Variants in C12orf76 observed in about 807,000 individuals in gnomAD.
The protein encoded by C12orf76 is uncharacterized protein C12orf76.
A neutral mutation model predicts 6.8 loss-of-function variants in C12orf76; 6 were observed. That is an observed-to-expected ratio of 0.88 (90% confidence interval 0.48 to 1.73). C12orf76 has a LOEUF of 1.73. Among genes scored for constraint, C12orf76 ranks in the 40% most tolerant of loss-of-function variants. The probability of loss-of-function intolerance (pLI) is 0.01; values close to 1 mark genes in which losing one functional copy is unlikely to be tolerated. For synonymous variants in C12orf76, 56 were observed against 43.7 expected (o/e 1.28, Z -1.11); for missense variants, 99 against 98.2 (o/e 1.01, Z -0.03).
upstream of C12orf76, among the ~76,000 whole-genome samples, chr12:110,053,446 C>A (rs746470762): frequency 3.3e-5 from 5 of 152,148 alleles, no homozygotes; most frequent in Non-Finnish European, 7.3e-5. Context: ...TTGCAGTGAA[C>A]CGAGATTGCA....
At chr12:110,050,661 AG>A (rs1892559628), upstream of C12orf76, 1 of 310,742 alleles carries the variant, frequency 3.2e-6, no homozygotes, top group Non-Finnish European at 6.1e-6. Context: ...ATGGTCTAAA[AG>A]GGGGAGGCAT....
At chr12:110,053,127 G>A (rs898463558), upstream of C12orf76, among the ~76,000 whole-genome samples, 19 of 151,800 alleles carry the variant, frequency 1.3e-4, no homozygotes, top group African/African-American at 4.4e-4. Context: ...AGGAGGTGGA[G>A]GTTGCAGTAA....
Position 110,054,695 on chromosome 12 carries a change from T to C in C12orf76, n.664+2494A>G, listed in dbSNP as rs1046249694. On this transcript the variant is annotated intron_variant and non_coding_transcript_variant, in intron 4 of 4. Transcript: ENST00000309050. The surrounding 1 kb of genome is among the most constrained non-coding windows in gnomAD (Gnocchi z 4.4). ...TTACAGTGGTTAATTTTGTGTTATA[T>C]GAACTTCACCCCAATAAAAAAGTAA... Among the ~76,000 whole-genome samples, 5 of 152,254 alleles carry C rather than the reference T, an allele frequency of 3.3e-5. No individual in the cohort carries two copies. Among genetic ancestry groups the C allele is most frequent in the African/African-American group, 7.2e-5 (3 of 41,474 alleles).
intron 1 of C12orf76, among the ~76,000 whole-genome samples, chr12:110,047,511 AAACAACAAC>A (rs997254234): frequency 2.0e-5 from 3 of 151,994 alleles, no homozygotes; most frequent in Non-Finnish European, 4.4e-5. Context: ...TACAAAAAGT[AAACAACAAC>A]AACAACAAAA....
At chr12:110,072,490 T>C (rs1259707817), upstream of C12orf76, among the ~76,000 whole-genome samples, 1 of 151,782 alleles carries the variant, frequency 6.6e-6, no homozygotes, top group Non-Finnish European at 1.5e-5. Flanking sequence ...AGTGTGGGTT[T>C]TTTTTGTTTT....
At chr12:110,066,367 TAAAAAAAAAAAAAAAAAAAAA>T (rs71079598) in intron 1 of C12orf76, among the ~76,000 whole-genome samples, 265 of 15,336 alleles carry the variant, frequency 0.017, 6 homozygotes, top group African/African-American at 0.056. Context: ...AGACTCCATC[TAAAAAAAAAAAAAAAAAAAAA>T]AAAAAAAAAA....
At chr12:110,051,944 C>T (rs1472889874), upstream of C12orf76, among the ~76,000 whole-genome samples, 2 of 137,444 alleles carry the variant, frequency 1.5e-5, no homozygotes, top group South Asian at 5.0e-4. Context: ...TGGAGTCTCA[C>T]TCTGTCGCCC....
upstream of C12orf76, among the ~76,000 whole-genome samples, chr12:110,069,541 G>T (rs755407711): frequency 5.3e-5 from 8 of 152,202 alleles, no homozygotes; most frequent in Non-Finnish European, 8.8e-5. Context: ...CTTCCCAGTG[G>T]GTCCACTGGA....
At chr12:110,047,270 T>C (rs1892474704) in intron 1 of C12orf76, among the ~76,000 whole-genome samples, 2 of 152,176 alleles carry the variant, frequency 1.3e-5, no homozygotes, top group Admixed American at 1.3e-4. Flanking sequence ...GTGTTGAAGA[T>C]ATCCTCCCAC....
chr12:110,053,309 G>T (rs985175118), upstream of C12orf76, among the ~76,000 whole-genome samples: 2 of 152,072 alleles, frequency 1.3e-5, no homozygotes, highest in African/African-American at 4.8e-5. Context: ...GACCAGCCTG[G>T]CCAACATGGT....
chr12:110,069,068 A>G (rs1042254634), upstream of C12orf76, among the ~76,000 whole-genome samples: 4 of 152,226 alleles, frequency 2.6e-5, no homozygotes, highest in Non-Finnish European at 4.4e-5. Flanking sequence ...TTTTTCTTCA[A>G]TTTTATATTT....
intron 3 of C12orf76, chr12:110,058,976 T>A: frequency 6.5e-7 from 1 of 1,533,648 alleles, no homozygotes; most frequent in Non-Finnish European, 8.8e-7. Context: ...ATAAGGAAGG[T>A]GCTAGTATTA....
At chr12:110,048,309 G>A in intron 1 of C12orf76, 54 bp downstream of exon 1, 2 of 1,447,224 alleles carry the variant, frequency 1.4e-6, no homozygotes, top group Non-Finnish European at 9.1e-7. Flanking sequence ...CCAGCACCCG[G>A]AGCAGTGAAA....
intron 3 of C12orf76, chr12:110,058,861 C>G: frequency 8.9e-7 from 1 of 1,120,666 alleles, no homozygotes. Flanking sequence ...CTAATATGTC[C>G]TTACCATGTG....
chr12:110,066,166 G>T, intron 1 of C12orf76: 1 of 1,244,176 alleles, frequency 8.0e-7, no homozygotes. Flanking sequence ...GAGGCCAGGA[G>T]TTCAAGACCA....
At chr12:110,067,790 T>C (rs1892891219), upstream of C12orf76, 2 of 152,658 alleles carry the variant, frequency 1.3e-5, no homozygotes, top group South Asian at 4.1e-4. Flanking sequence ...GATATGTAAT[T>C]CACACCCAAC....
intron 1 of C12orf76, among the ~76,000 whole-genome samples, chr12:110,045,146 A>G (rs1892416570): frequency 6.6e-6 from 1 of 152,210 alleles, no homozygotes; most frequent in Admixed American, 6.5e-5. Context: ...TCATGTCTTA[A>G]AATAGCCCTT....
At chr12:110,068,305 AAGAAGAAGAAGAAGAAGAAGAAGAAGG>A (rs1429009729), upstream of C12orf76, among the ~76,000 whole-genome samples, 1 of 145,456 alleles carries the variant, frequency 6.9e-6, no homozygotes, top group Admixed American at 6.9e-5. Context: ...GAAGAAGAAG[AAGAAGAAGAAGAAGAAGAAGAAGAAGG>A]CGGCCAAATA....
At chr12:110,057,406 C>G (rs773512049) in intron 3 of C12orf76, 1 of 717,164 alleles carries the variant, frequency 1.4e-6, no homozygotes, top group South Asian at 1.6e-5. Flanking sequence ...CTTCATGGAC[C>G]CCTAAAGAAC....
Sources: gnomAD v4.1 joint callset for allele counts (sites outside exome capture counted in the v4.1 genomes callset) on GRCh38, gnomAD v4.1.1 for gene constraint, Gnocchi (gnomAD v3.1) non-coding constraint, MANE v1.5 for transcripts, NCBI Gene and HGNC (gene_info 2026-07-23, HGNC 2026-07-21) for gene names.